The following TTC28 variants were observed in gnomAD, a reference collection of about 807,000 sequenced individuals.
TTC28 encodes tetratricopeptide repeat domain 28, also known as tetratricopeptide repeat protein 28.
TTC28 carries 61 observed loss-of-function variants against 198.0 expected under a neutral mutation model. The observed-to-expected ratio is 0.31, with a 90% CI of 0.25 to 0.38. The LOEUF is 0.38. TTC28 is among the 10% of genes least tolerant of loss of function. The pLI, the probability that TTC28 is intolerant of heterozygous loss-of-function variation, is 1.00. For synonymous variants in TTC28, 1,171 were observed against 1,297.8 expected, an observed-to-expected ratio of 0.90 and a Z score of 2.10; for missense variants, 2,678 against 3,164.0, an observed-to-expected ratio of 0.85 and a Z score of 3.69.
chr22:28,575,376 G>C (rs1187106453), intron 2 of TTC28, among the ~76,000 whole-genome samples: 5 of 152,070 alleles, frequency 3.3e-5, no homozygotes. Flanking sequence ...TGTTCCATTG[G>C]TCTATGTGTT....
chr22:28,149,283 T>A (rs910624613), intron 6 of TTC28, among the ~76,000 whole-genome samples: 1 of 152,188 alleles, frequency 6.6e-6, no homozygotes, highest in Admixed American at 6.5e-5. Flanking sequence ...GGGATCAGTA[T>A]GTGGAGGAGA....
At chr22:28,605,257 T>C (rs1347875554) in intron 2 of TTC28, among the ~76,000 whole-genome samples, 1 of 152,038 alleles carries the variant, frequency 6.6e-6, no homozygotes, top group African/African-American at 2.4e-5. Flanking sequence ...ATGAGAAAAA[T>C]CCCTTTTGGC....
At chr22:28,144,182 G>A (rs1157911626) in intron 6 of TTC28, among the ~76,000 whole-genome samples, 2 of 152,160 alleles carry the variant, frequency 1.3e-5, no homozygotes, top group East Asian at 3.9e-4. Context: ...AGAGATTCTA[G>A]TCTTAATTCT....
At chr22:28,473,171 T>C (rs2048120791) in intron 2 of TTC28, among the ~76,000 whole-genome samples, 1 of 152,198 alleles carries the variant, frequency 6.6e-6, no homozygotes, top group Non-Finnish European at 1.5e-5. Flanking sequence ...GTATGAAAGC[T>C]GAAAATAATA....
rs144348185 is a variant in TTC28, at chr22:28,448,126, C to A, written c.382-141483G>T. Among the ~76,000 whole-genome samples, 602 of 152,268 alleles carry A rather than the reference C, an allele frequency of 4.0e-3. 4 individuals carry two copies. Among genetic ancestry groups the A allele is most frequent in the African/African-American group, 0.014 (570 of 41,554 alleles). ...AATTTAACATTATTGTTTCAAAGAT[C>A]CAGCATCAAATAGTAATTACACATT... is the stretch of plus-strand genomic sequence containing the variant. On this transcript the variant is annotated intron_variant, in intron 2 of 22. Coordinates refer to ENST00000397906, the MANE Select transcript of TTC28 (RefSeq NM_001145418.2).
chr22:28,370,466 A>G (rs1433483830), intron 2 of TTC28, among the ~76,000 whole-genome samples: 1 of 152,184 alleles, frequency 6.6e-6, no homozygotes, highest in Non-Finnish European at 1.5e-5. Flanking sequence ...GTGACATAAT[A>G]CCCATTTTGA....
chr22:28,158,502 G>T (rs114095563), intron 6 of TTC28, among the ~76,000 whole-genome samples: 2 of 152,158 alleles, frequency 1.3e-5, no homozygotes, highest in Non-Finnish European at 2.9e-5. Flanking sequence ...ATCATTACCT[G>T]ATTTCAAATT....
intron 2 of TTC28, among the ~76,000 whole-genome samples, chr22:28,617,721 T>A (rs187424910): frequency 6.6e-6 from 1 of 152,278 alleles, no homozygotes; most frequent in Non-Finnish European, 1.5e-5. Flanking sequence ...TGTGTTTGCA[T>A]TCTCTTACGG....
chr22:28,383,946 A>T (rs564110073), intron 2 of TTC28, among the ~76,000 whole-genome samples: 8 of 152,050 alleles, frequency 5.3e-5, no homozygotes, highest in Non-Finnish European at 1.2e-4. Flanking sequence ...ACCCTATATG[A>T]TCTTCCCTCC....
chr22:28,508,227 A>T (rs2048639149), intron 2 of TTC28, among the ~76,000 whole-genome samples: 1 of 152,092 alleles, frequency 6.6e-6, no homozygotes, highest in South Asian at 2.1e-4. Flanking sequence ...AATGCAAAAC[A>T]GAAAAAAAAA....
chr22:28,422,053 C>A (rs911697223), intron 2 of TTC28, among the ~76,000 whole-genome samples: 1 of 151,866 alleles, frequency 6.6e-6, no homozygotes, highest in Non-Finnish European at 1.5e-5. Context: ...GTGCATTTCT[C>A]TTTTAAAAAA....
intron 12 of TTC28, among the ~76,000 whole-genome samples, chr22:28,089,977 G>A (rs764506498): frequency 2.0e-5 from 3 of 151,606 alleles, no homozygotes; most frequent in Non-Finnish European, 2.9e-5. Context: ...GGTGGTGGGA[G>A]GGGAGAAGGA....
At chr22:28,615,152 C>A (rs189465227) in intron 2 of TTC28, among the ~76,000 whole-genome samples, 1 of 152,158 alleles carries the variant, frequency 6.6e-6, no homozygotes, top group Non-Finnish European at 1.5e-5. Flanking sequence ...TATGAACAGA[C>A]GCTTCTCAAA....
At chr22:28,632,423 T>C (rs1344055753) in intron 1 of TTC28, among the ~76,000 whole-genome samples, 1 of 151,802 alleles carries the variant, frequency 6.6e-6, no homozygotes, top group East Asian at 1.9e-4. Context: ...ATTACAGGCA[T>C]GCACCAATAT....
chr22:28,625,392 T>C (rs1049032024), intron 2 of TTC28, among the ~76,000 whole-genome samples: 2 of 152,142 alleles, frequency 1.3e-5, no homozygotes, highest in Non-Finnish European at 2.9e-5. Flanking sequence ...AGAAAATACA[T>C]TGTATTTCTA....
chr22:28,254,979 A>T (rs755517315), intron 5 of TTC28, among the ~76,000 whole-genome samples: 15 of 152,178 alleles, frequency 9.9e-5, no homozygotes, highest in Non-Finnish European at 1.8e-4. Context: ...CCCCAGACCT[A>T]TGTGATGCAT....
At chr22:28,285,495 G>T (rs983982703) in intron 5 of TTC28, among the ~76,000 whole-genome samples, 1 of 152,098 alleles carries the variant, frequency 6.6e-6, no homozygotes, top group Non-Finnish European at 1.5e-5. Context: ...ACACAGTATG[G>T]TGACTATCGT....
chr22:28,517,379 C>T (rs2048809868), intron 2 of TTC28, among the ~76,000 whole-genome samples: 1 of 152,136 alleles, frequency 6.6e-6, no homozygotes, highest in Non-Finnish European at 1.5e-5. Context: ...TGAAGAGTAT[C>T]TTCCAGTCAG....
chr22:28,468,690 A>ATTTTTTTT (rs35984422), intron 2 of TTC28, among the ~76,000 whole-genome samples: 9 of 122,312 alleles, frequency 7.4e-5, no homozygotes, highest in Admixed American at 9.1e-5. Context: ...CGCCCGGCTA[A>ATTTTTTTT]TTTTTTTTTT....
Sources: gnomAD v4.1 joint callset for allele counts (sites outside exome capture counted in the v4.1 genomes callset) on GRCh38, gnomAD v4.1.1 for gene constraint, MANE v1.5 for transcripts, NCBI Gene and HGNC (gene_info 2026-07-23, HGNC 2026-07-21) for gene names.